MYH14: variants seen among roughly 807,000 people sequenced by gnomAD.
MYH14 encodes the protein myosin-14.
In MYH14, 123 loss-of-function variants were observed where a neutral mutation model predicts 255.5. The ratio of observed to expected loss-of-function variants is 0.48; its 90% CI spans 0.42 to 0.56. The LOEUF (loss-of-function observed/expected upper bound fraction) is 0.56. Ranked by LOEUF, MYH14 falls within the 20% of genes least tolerant of loss-of-function variation. MYH14 has a pLI of 0.00. For synonymous variants in MYH14, 1,095 were observed against 1,161.2 expected, an observed-to-expected ratio of 0.94 and a Z score of 1.16; for missense variants, 2,423 against 2,802.3, an observed-to-expected ratio of 0.86 and a Z score of 3.06.
intron 10 of MYH14, among the ~76,000 whole-genome samples, chr19:50,239,059 C>G (rs2033785133): frequency 1.3e-5 from 2 of 151,986 alleles, no homozygotes. Flanking sequence ...TCACTCTGTC[C>G]CCCAGGCTGG....
At position 50,210,475 on chromosome 19, in the gene MYH14, G is replaced by A; in HGVS notation, c.110G>A (p.Gly37Asp). The A allele has an allele frequency of 6.5e-7, 1 of 1,550,214 alleles. No homozygotes were observed. The highest frequency in any genetic ancestry group is 8.7e-7 in the Non-Finnish European group (1 of 1,148,486). The change falls in exon 2 of 43, where the codon GGT becomes GAT. Residue 37 changes from glycine to aspartate, a missense_variant. By Grantham distance (94) the Gly-to-Asp change is moderately conservative. This residue lies in a region of MYH14 where 238 missense variants were observed against 245.8 expected (regional missense o/e 0.97). Coordinates refer to ENST00000642316, the MANE Select transcript of MYH14 (RefSeq NM_001145809.2). ...FLFTPRGPSA[G>D]GGPGSGTSPQ... The stretch of plus-strand genomic sequence containing the variant: ...TTCACGCCCCGCGGGCCCAGCGCGG[G>A]TGGCGGGCCTGGCTCGGGCACCTCC...
chr19:50,251,520 C>CA (rs1208203151), intron 15 of MYH14, among the ~76,000 whole-genome samples: 202 of 17,218 alleles, frequency 0.012, no homozygotes, highest in African/African-American at 0.021. Flanking sequence ...TATATACACA[C>CA]TACACACACA....
intron 15 of MYH14, among the ~76,000 whole-genome samples, chr19:50,251,873 C>T (rs2034415963): frequency 1.3e-5 from 2 of 152,142 alleles, no homozygotes; most frequent in Non-Finnish European, 2.9e-5. Context: ...CCACCGCGCC[C>T]AGCCCTATTC....
chr19:50,279,061 A>AT (rs1199887989), intron 30 of MYH14, among the ~76,000 whole-genome samples: 1 of 152,172 alleles, frequency 6.6e-6, no homozygotes, highest in Non-Finnish European at 1.5e-5. Context: ...ACAGAGTGGT[A>AT]TGGCCATCAC....
intron 22 of MYH14, among the ~76,000 whole-genome samples, chr19:50,264,087 TA>T (rs34326325): frequency 0.34 from 36,702 of 108,650 alleles, 5,781 homozygotes; most frequent in East Asian, 0.59. Context: ...GAGCAAAGGT[TA>T]AAAAAAAAAA....
rs375685041 is a variant in MYH14, at chr19:50,309,706, A to G, written c.6027A>G (p.Ala2009=). The stretch of plus-strand genomic sequence containing the variant: ...TCTTCCGACTAGAGGAGGGCGTGGC[A>G]TCCGACGAGGAGGCAGAGGAAGCAC... ...RQVFRLEEGV[A]SDEEAEEAQP... The change falls in exon 43 of 43, where the codon GCA becomes GCG. Residue 2009 remains alanine (A), a synonymous_variant. Transcript: ENST00000642316. 9.2e-5 allele frequency: 148 copies of G among 1,606,672 alleles called. No individual in the cohort carries two copies. The highest frequency in any genetic ancestry group is 1.2e-4 in the Non-Finnish European group (140 of 1,177,194).
In MYH14 at chr19:50,252,733, C is replaced by T. The variant is rs780989115; in HGVS notation, c.1925C>T (p.Thr642Met). The change falls in exon 16 of 43, where the codon ACG (threonine) becomes ATG (methionine). Residue 642 changes from threonine to methionine, a missense_variant. By Grantham distance (81) the Thr-to-Met change is moderately conservative. Transcript: ENST00000642316. This position sits in a 1 kb window ranked among gnomAD's most constrained non-coding sequence, Gnocchi z 4.2. ...ALLHQSTDRL[T>M]AEIWKDEHGG... ...CTCCACCAGAGCACAGACCGGCTGA[C>T]GGCAGAGATCTGGAAAGACGGTGAG... The T allele has an allele frequency of 4.5e-5, 71 of 1,591,756 alleles. No individual in the cohort carries two copies. The Middle Eastern group carries it at 6.6e-4, about 15-fold the overall frequency.
chr19:50,246,580 T>TGC (rs1414641783), intron 11 of MYH14, among the ~76,000 whole-genome samples: 3 of 152,154 alleles, frequency 2.0e-5, no homozygotes, highest in African/African-American at 7.2e-5. Context: ...TGAGATTGCA[T>TGC]CACTGCACTC....
intron 10 of MYH14, among the ~76,000 whole-genome samples, chr19:50,237,617 C>T (rs909636242): frequency 2.6e-5 from 4 of 152,170 alleles, no homozygotes; most frequent in African/African-American, 7.2e-5. Context: ...CGTGAGCCAC[C>T]GCACCCGGCC....
intron 39 of MYH14, among the ~76,000 whole-genome samples, chr19:50,299,390 A>G (rs1025747472): frequency 6.7e-6 from 1 of 149,428 alleles, no homozygotes; most frequent in Non-Finnish European, 1.5e-5. Flanking sequence ...CCCAACATGG[A>G]GAAATCCCAT....
chr19:50,210,890 C>G, intron 2 of MYH14, 120 bp downstream of exon 2: 1 of 1,450,128 alleles, frequency 6.9e-7, no homozygotes, highest in Non-Finnish European at 9.1e-7. Flanking sequence ...TCCCATGTCC[C>G]GTGACTGTTC....
intron 22 of MYH14, among the ~76,000 whole-genome samples, 184 bp downstream of exon 22, chr19:50,263,604 G>A (rs1320895099): frequency 6.6e-6 from 1 of 152,082 alleles, no homozygotes; most frequent in African/African-American, 2.4e-5. Context: ...AATCTGACTC[G>A]AACCAACATG....
chr19:50,283,338 T>C (rs933200278), intron 33 of MYH14, among the ~76,000 whole-genome samples: 2 of 152,222 alleles, frequency 1.3e-5, no homozygotes, highest in African/African-American at 4.8e-5. Context: ...AAGGCTGGTC[T>C]CGAACTCCTG....
chr19:50,223,525 C>T (rs2032946073), intron 5 of MYH14, among the ~76,000 whole-genome samples, 176 bp downstream of exon 5: 1 of 152,232 alleles, frequency 6.6e-6, no homozygotes, highest in South Asian at 2.1e-4. Context: ...CAGGGGGACA[C>T]AGAGGTGTGA....
chr19:50,216,832 G>A lies in MYH14; in HGVS notation c.406-783G>A, dbSNP rs1396282927. On this transcript the variant is annotated intron_variant, in intron 2 of 42. Coordinates refer to ENST00000642316, the MANE Select transcript of MYH14 (RefSeq NM_001145809.2). ...TTTTTTTTTTTTTTTTTTTGAGACA[G>A]AGTCTCGCTCTGTTGCCCAGGCTGG... Among the ~76,000 whole-genome samples, 4 of 116,836 alleles carry A rather than the reference G, an allele frequency of 3.4e-5. No homozygotes were observed. In the East Asian group the frequency reaches 1.0e-3, roughly 31 times the overall value. 76.6% of individuals were successfully genotyped at this position (116,836 alleles called of 152,430 possible). A position where few individuals can be genotyped will look rare whatever the true frequency, so the allele number is the denominator to read the frequency against.
At chr19:50,267,038 G>A in intron 23 of MYH14, 30 bp downstream of exon 23, 3 of 1,513,764 alleles carry the variant, frequency 2.0e-6, no homozygotes, top group Non-Finnish European at 2.7e-6. Context: ...GCGTGGGGGC[G>A]TGTCTTCGGG....
chr19:50,205,810 G>C (rs1204100980), intron 1 of MYH14, among the ~76,000 whole-genome samples: 1 of 152,186 alleles, frequency 6.6e-6, no homozygotes, highest in African/African-American at 2.4e-5. Flanking sequence ...TGTAGGAGCA[G>C]GGGCTGGGGG....
intron 39 of MYH14, among the ~76,000 whole-genome samples, chr19:50,298,131 G>A (rs757223720): frequency 3.9e-5 from 6 of 152,156 alleles, no homozygotes; most frequent in South Asian, 2.1e-4. Flanking sequence ...TAACAACCAC[G>A]TAGAAATGTG....
chr19:50,247,929 A>T (rs1048534494), intron 12 of MYH14, among the ~76,000 whole-genome samples: 1 of 151,936 alleles, frequency 6.6e-6, no homozygotes, highest in Non-Finnish European at 1.5e-5. Context: ...GGTATGTGGC[A>T]CACGCCTGTA....
Sources: allele counts gnomAD v4.1 joint callset (sites outside exome capture counted in the v4.1 genomes callset), GRCh38; gene constraint gnomAD v4.1.1; regional missense constraint gnomAD v4.1.1; non-coding constraint Gnocchi (gnomAD v3.1); transcripts MANE v1.5; gene names NCBI Gene and HGNC (gene_info 2026-07-23, HGNC 2026-07-21).